STPG2: variants seen among roughly 807,000 people sequenced by gnomAD.
STPG2 encodes sperm tail PG-rich repeat containing 2.
In STPG2, 56 loss-of-function variants were observed where a neutral mutation model predicts 54.2. The observed-to-expected ratio is 1.03, with a 90% CI of 0.83 to 1.29. The LOEUF (loss-of-function observed/expected upper bound fraction) is 1.29, where lower values mean the gene tolerates loss of function less well. Ranked by LOEUF, STPG2 falls within the 50% of genes most tolerant of loss-of-function variation. The probability of loss-of-function intolerance (pLI) is 0.00; values close to 1 mark genes in which losing one functional copy is unlikely to be tolerated. For missense variants in STPG2, 596 were observed against 544.9 expected, an observed-to-expected ratio of 1.09 and a Z score of -0.93; for synonymous variants, 200 against 181.8, an observed-to-expected ratio of 1.10 and a Z score of -0.81.
chr4:97,854,946 C>T (rs552455890), intron 8 of STPG2, among the ~76,000 whole-genome samples: 2 of 152,236 alleles, frequency 1.3e-5, no homozygotes, highest in East Asian at 3.9e-4. Flanking sequence ...TGTTCTCCAC[C>T]ATGTGTCCAC....
chr4:98,063,321 T>C (rs4550935), intron 5 of STPG2, among the ~76,000 whole-genome samples: 59,576 of 151,366 alleles, frequency 0.39, 11,892 homozygotes, highest in Middle Eastern at 0.46. Context: ...TGGTGGCACA[T>C]GCCTGTAGTC....
chr4:97,543,884 A>C (rs986842141), intron 4 of STPG2, among the ~76,000 whole-genome samples: 4 of 152,106 alleles, frequency 2.6e-5, no homozygotes, highest in Non-Finnish European at 5.9e-5. Flanking sequence ...AGATCCTGGT[A>C]GAGCTCAAAT....
At chr4:97,688,976 C>T (rs1018600834) in intron 10 of STPG2, among the ~76,000 whole-genome samples, 2 of 152,114 alleles carry the variant, frequency 1.3e-5, no homozygotes, top group Non-Finnish European at 2.9e-5. Context: ...TTGCAACTAA[C>T]CTATTTTCTG....
intron 10 of STPG2, among the ~76,000 whole-genome samples, chr4:97,576,862 A>G (rs1419230358): frequency 6.6e-6 from 1 of 152,208 alleles, no homozygotes; most frequent in African/African-American, 2.4e-5. Context: ...ACAGAGGTCT[A>G]GTGTCCAAAA....
intron 8 of STPG2, among the ~76,000 whole-genome samples, chr4:97,883,539 T>G (rs962023913): frequency 1.3e-5 from 2 of 151,924 alleles, no homozygotes; most frequent in Admixed American, 6.6e-5. Flanking sequence ...AATGGACAGA[T>G]GAAGAATTTT....
chr4:97,485,406 C>A lies in STPG2; in HGVS notation c.462+227293G>T, dbSNP rs182975516. Among the ~76,000 whole-genome samples, 165 of 151,962 alleles carry A rather than the reference C, an allele frequency of 1.1e-3. 1 individual carries two copies. Among genetic ancestry groups the A allele is most frequent in the South Asian group, 2.9e-3 (14 of 4,828 alleles). On this transcript the variant is annotated intron_variant, in intron 4 of 4. Transcript: ENST00000522676. ...TACACAAATCAGTAGCTCTTCTATA[C>A]ACCAACAGCGGCCAAGTGGAGAATC...
chr4:97,981,399 T>A lies in STPG2; in HGVS notation c.613-81A>T, dbSNP rs1734672201. 11 of 1,364,118 alleles carry A rather than the reference T, an allele frequency of 8.1e-6. No individual in the cohort carries two copies. The South Asian group carries it at 1.1e-4, about 14-fold the overall frequency. 84.5% of individuals were successfully genotyped at this position (1,364,118 alleles called of 1,614,324 possible). On this transcript the variant is annotated intron_variant, in intron 5 of 10. Transcript: ENST00000295268. ...CATGAGTTAAAACCTGCCTTTTGAGTAATATAACATCTGGAGTTAATTTAT... is the reference window on the plus strand; with the variant it reads ...CATGAGTTAAAACCTGCCTTTTGAGAAATATAACATCTGGAGTTAATTTAT...
intron 10 of STPG2, among the ~76,000 whole-genome samples, chr4:97,660,150 C>A (rs775534173): frequency 3.9e-5 from 6 of 152,090 alleles, no homozygotes; most frequent in Non-Finnish European, 5.9e-5. Context: ...CTACAGGCGC[C>A]CACCACTAAG....
chr4:97,591,435 C>T (rs1168820461), intron 10 of STPG2, among the ~76,000 whole-genome samples: 6 of 152,042 alleles, frequency 3.9e-5, no homozygotes, highest in Non-Finnish European at 7.4e-5. Context: ...ATATTATTTC[C>T]ATGTGAATCA....
At chr4:97,680,157 T>C (rs1254898220) in intron 10 of STPG2, among the ~76,000 whole-genome samples, 2 of 151,450 alleles carry the variant, frequency 1.3e-5, no homozygotes, top group South Asian at 2.1e-4. Flanking sequence ...TTTCCAATTC[T>C]GTGAAGAAAG....
intron 8 of STPG2, among the ~76,000 whole-genome samples, chr4:97,939,995 G>C (rs1192838961): frequency 6.6e-6 from 1 of 152,084 alleles, no homozygotes; most frequent in Non-Finnish European, 1.5e-5. Context: ...AGGCAGGTCT[G>C]GTGGTAATGA....
At chr4:97,939,087 T>A (rs952502161) in intron 8 of STPG2, among the ~76,000 whole-genome samples, 1 of 152,202 alleles carries the variant, frequency 6.6e-6, no homozygotes, top group African/African-American at 2.4e-5. Flanking sequence ...TTCAGAAGCA[T>A]GTTGTTTAAT....
At chr4:97,612,531 G>A (rs1018537813) in intron 10 of STPG2, among the ~76,000 whole-genome samples, 1 of 152,018 alleles carries the variant, frequency 6.6e-6, no homozygotes, top group Admixed American at 6.6e-5. Flanking sequence ...CTTGTAGAGG[G>A]GAACAGAACG....
intron 4 of STPG2, among the ~76,000 whole-genome samples, chr4:97,543,285 AT>A (rs1249596482): frequency 6.6e-6 from 1 of 151,656 alleles, no homozygotes; most frequent in Non-Finnish European, 1.5e-5. Context: ...GAAAAAATAA[AT>A]TTTTCTGACT....
At chr4:97,546,423 C>T (rs560893896) in intron 4 of STPG2, among the ~76,000 whole-genome samples, 1 of 151,928 alleles carries the variant, frequency 6.6e-6, no homozygotes, top group South Asian at 2.1e-4. Context: ...ATTATACTAT[C>T]AAGGTAAATA....
intron 10 of STPG2, among the ~76,000 whole-genome samples, chr4:97,560,644 G>A (rs1732204076): frequency 6.6e-6 from 1 of 152,022 alleles, no homozygotes; most frequent in Admixed American, 6.6e-5. Flanking sequence ...AGTACCCATA[G>A]GCAAAAATCA....
intron 4 of STPG2, among the ~76,000 whole-genome samples, chr4:97,442,317 A>G (rs1729108683): frequency 6.6e-6 from 1 of 151,946 alleles, no homozygotes; most frequent in African/African-American, 2.4e-5. Flanking sequence ...TCATGCAAAC[A>G]TAATTAGAGC....
chr4:97,527,526 C>T (rs1191106522), intron 4 of STPG2, among the ~76,000 whole-genome samples: 1 of 152,052 alleles, frequency 6.6e-6, no homozygotes, highest in Non-Finnish European at 1.5e-5. Flanking sequence ...AATGGGATTG[C>T]TGGGTCAAAT....
intron 10 of STPG2, among the ~76,000 whole-genome samples, chr4:97,616,057 A>T (rs28408655): frequency 0.048 from 1,766 of 37,168 alleles, 143 homozygotes; most frequent in African/African-American, 0.14. Context: ...AATACATATA[A>T]ATATATATAT....
Sources: allele counts gnomAD v4.1 joint callset (sites outside exome capture counted in the v4.1 genomes callset), GRCh38; gene constraint gnomAD v4.1.1; transcripts MANE v1.5; gene names NCBI Gene and HGNC (gene_info 2026-07-23, HGNC 2026-07-21).